ARHGEF4: variants seen among roughly 807,000 people sequenced by gnomAD.
ARHGEF4 encodes the protein Rho guanine nucleotide exchange factor 4.
Under a neutral mutation model 162.0 loss-of-function variants are expected in ARHGEF4, and 119 were observed. That is an observed-to-expected ratio of 0.73 (90% CI 0.63 to 0.86). The LOEUF (loss-of-function observed/expected upper bound fraction) is 0.86. Ranked by LOEUF, ARHGEF4 falls within the 40% of genes least tolerant of loss-of-function variation. The pLI is 0.00. For missense variants in ARHGEF4, 2,488 were observed against 2,456.0 expected (o/e 1.01, Z -0.28); for synonymous variants, 1,014 against 979.9 (o/e 1.03, Z -0.65).
At chr2:130,839,787 G>C (rs983172411) in intron 1 of ARHGEF4, among the ~76,000 whole-genome samples, 2 of 152,204 alleles carry the variant, frequency 1.3e-5, no homozygotes, top group African/African-American at 2.4e-5. Flanking sequence ...GTTCCAGACA[G>C]CTGGACCCCC....
At chr2:130,971,655 CAAAAAA>C (rs35136790) in intron 4 of ARHGEF4, among the ~76,000 whole-genome samples, 4 of 101,354 alleles carry the variant, frequency 3.9e-5, no homozygotes, top group Admixed American at 2.4e-4. Flanking sequence ...GAGACTGTCT[CAAAAAA>C]AAAAAAAAAA....
chr2:130,943,674 A>G (rs1160365899), intron 3 of ARHGEF4, among the ~76,000 whole-genome samples: 1 of 152,184 alleles, frequency 6.6e-6, no homozygotes, highest in African/African-American at 2.4e-5. Context: ...GTATTTTCCC[A>G]CTTCGAGTGG....
At chr2:130,966,112 T>A (rs147024858) in intron 4 of ARHGEF4, among the ~76,000 whole-genome samples, 1 of 152,284 alleles carries the variant, frequency 6.6e-6, no homozygotes, top group African/African-American at 2.4e-5. Context: ...GGAGTGCTGG[T>A]CAGTAACCAG....
intron 4 of ARHGEF4, among the ~76,000 whole-genome samples, chr2:131,010,507 G>A (rs72863203): frequency 0.058 from 8,767 of 152,140 alleles, 413 homozygotes; most frequent in East Asian, 0.2. Flanking sequence ...GATTGAGAGG[G>A]ATATTTTTTT....
At chr2:130,960,406 G>A (rs918292780) in intron 4 of ARHGEF4, among the ~76,000 whole-genome samples, 1 of 152,158 alleles carries the variant, frequency 6.6e-6, no homozygotes, top group Non-Finnish European at 1.5e-5. Context: ...ATTCAGTACA[G>A]TAACATGCTG....
Position 131,046,049 on chromosome 2 carries a change from C to T in ARHGEF4, c.5491C>T (p.Pro1831Ser). The change falls in exon 14 of 14, where the codon CCC (proline) becomes TCC (serine). Residue 1831 changes from proline to serine, a missense_variant. Around this residue, in one of 6 missense-constraint regions of ARHGEF4, gnomAD observed 415 missense variants for 512.4 expected, o/e 0.81. Transcript: ENST00000409359. ...VTGKPKAVGR[P>S]CYLTRQKHPA... ...CTCTCCCTGTTCAGCTGTTGGCCGGCCCTGCTACCTGACGCGCCAGAAGCA... is the reference window on the plus strand; with the variant it reads ...CTCTCCCTGTTCAGCTGTTGGCCGGTCCTGCTACCTGACGCGCCAGAAGCA... 2 of 1,611,346 alleles carry T rather than the reference C, an allele frequency of 1.2e-6. No homozygotes were observed. The highest frequency in any genetic ancestry group is 1.7e-6 in the Non-Finnish European group (2 of 1,178,848).
chr2:131,035,981 A>C, intron 5 of ARHGEF4: 1 of 503,654 alleles, frequency 2.0e-6, no homozygotes, highest in Non-Finnish European at 2.6e-6. Context: ...TTTGAGTCTC[A>C]AATGTGCACC....
At chr2:131,032,518 G>T (rs1457940662) in intron 5 of ARHGEF4, among the ~76,000 whole-genome samples, 1 of 152,024 alleles carries the variant, frequency 6.6e-6, no homozygotes, top group Non-Finnish European at 1.5e-5. Context: ...AGGCTGGACA[G>T]CAAGCTGGGC....
In ARHGEF4 at chr2:130,851,166, G is replaced by C. The variant is rs149856964; in HGVS notation, c.39+14174G>C. 3.0e-3 allele frequency among the ~76,000 whole-genome samples: 458 copies of C among 152,396 alleles called. 1 individual carries two copies. The highest frequency in any genetic ancestry group is 0.011 in the African/African-American group (439 of 41,596). The stretch of plus-strand genomic sequence containing the variant: ...CGGAGAAGTGCCTGCACTTTGAGAA[G>C]GGTGGTTGGGATAGGACCTGCCAGA... On this transcript the variant is annotated intron_variant, in intron 1 of 13. Coordinates refer to ENST00000409359, the MANE Select transcript of ARHGEF4 (RefSeq NM_001367493.1).
In ARHGEF4 at chr2:130,915,663, G is replaced by A. The variant is rs769445447; in HGVS notation, c.1717G>A (p.Val573Ile). 2 of 1,550,484 alleles carry A rather than the reference G, an allele frequency of 1.3e-6. No individual in the cohort carries two copies. The highest frequency in any genetic ancestry group is 1.7e-6 in the Non-Finnish European group (2 of 1,146,976). Residue 573 changes from valine to isoleucine, a missense_variant, in exon 2 of 14, where the codon GTT becomes ATT. By Grantham distance (29) the Val-to-Ile change is conservative. This residue lies in a region of ARHGEF4 where 1,642 missense variants were observed against 1,481.5 expected (regional missense o/e 1.11). Coordinates refer to ENST00000409359, the MANE Select transcript of ARHGEF4 (RefSeq NM_001367493.1). The part of the protein sequence containing the change: ...DTSKAAEEAM[V>I]LDPNYREQAL... ...TTCAAAGGCAGCCGAAGAAGCCATG[G>A]TTCTAGACCCCAACTACAGGGAACA...
At chr2:130,976,441 C>T (rs1685720509) in intron 4 of ARHGEF4, among the ~76,000 whole-genome samples, 1 of 151,888 alleles carries the variant, frequency 6.6e-6, no homozygotes, top group African/African-American at 2.4e-5. Flanking sequence ...TGCACCTGCA[C>T]GCAGACGCTG....
intron 1 of ARHGEF4, among the ~76,000 whole-genome samples, chr2:130,881,181 C>T (rs1202015480): frequency 6.6e-6 from 1 of 152,082 alleles, no homozygotes; most frequent in Non-Finnish European, 1.5e-5. Context: ...ACGTGCACCA[C>T]CATGCCTGGC....
intron 1 of ARHGEF4, among the ~76,000 whole-genome samples, chr2:130,908,699 A>T (rs1220532875): frequency 6.6e-6 from 1 of 151,426 alleles, no homozygotes; most frequent in Non-Finnish European, 1.5e-5. Flanking sequence ...ATAAAATTTA[A>T]AAAAAAAAGT....
chr2:130,889,363 C>G (rs1332939650), intron 1 of ARHGEF4, among the ~76,000 whole-genome samples: 1 of 151,892 alleles, frequency 6.6e-6, no homozygotes, highest in Admixed American at 6.6e-5. Context: ...TTATATAGCC[C>G]ATGTGCATAT....
Position 131,006,698 on chromosome 2 carries a change from G to T in ARHGEF4, c.3986-21247G>T, listed in dbSNP as rs984555154. On this transcript the variant is annotated intron_variant, in intron 4 of 13. Transcript: ENST00000409359. ...TGGGGTTCTGTGCCCTATCCCTCTG[G>T]TCTTGCCTGGACTGGGGAGTGGGAC... Among the ~76,000 whole-genome samples, 2 of 152,178 alleles carry T rather than the reference G, an allele frequency of 1.3e-5. 1 individual carries two copies.
intron 1 of ARHGEF4, among the ~76,000 whole-genome samples, chr2:130,906,285 G>A (rs1574202154): frequency 6.6e-6 from 1 of 152,254 alleles, no homozygotes; most frequent in South Asian, 2.1e-4. Flanking sequence ...CCACTGTGGT[G>A]ACACTGATTT....
At chr2:130,992,445 C>A (rs1039001106) in intron 4 of ARHGEF4, among the ~76,000 whole-genome samples, 1 of 152,088 alleles carries the variant, frequency 6.6e-6, no homozygotes, top group East Asian at 1.9e-4. Flanking sequence ...ACGAGCCCAC[C>A]GGGAGGAACA....
chr2:130,915,982 C>T lies in ARHGEF4; in HGVS notation c.2036C>T (p.Thr679Ile), dbSNP rs948778954. 4.5e-6 allele frequency: 7 copies of T among 1,550,422 alleles called. No individual in the cohort carries two copies. Among genetic ancestry groups the T allele is most frequent in the Middle Eastern group, 1.7e-4 (1 of 6,014 alleles). Reference protein sequence around the residue: ...STGETPCESPTRGKTPAGNEC... With the variant: ...STGETPCESPIRGKTPAGNEC... ...GGCGAGACCCCCTGTGAGTCTCCCACTAGGGGGAAAACACCAGCCGGTAAT... is the reference window on the plus strand; with the variant it reads ...GGCGAGACCCCCTGTGAGTCTCCCATTAGGGGGAAAACACCAGCCGGTAAT... The change falls in exon 2 of 14, where the codon ACT becomes ATT. Residue 679 changes from threonine to isoleucine, a missense_variant. Thr to Ile is a moderately conservative substitution (Grantham distance 89). Coordinates refer to ENST00000409359, the MANE Select transcript of ARHGEF4 (RefSeq NM_001367493.1).
chr2:130,904,113 T>G (rs1376201664), intron 1 of ARHGEF4, among the ~76,000 whole-genome samples: 1 of 152,234 alleles, frequency 6.6e-6, no homozygotes, highest in Non-Finnish European at 1.5e-5. Context: ...CCACAGGGGC[T>G]GTGCTTATTT....
Sources: allele counts gnomAD v4.1 joint callset (sites outside exome capture counted in the v4.1 genomes callset), GRCh38; gene constraint gnomAD v4.1.1; regional missense constraint gnomAD v4.1.1; transcripts MANE v1.5; gene names NCBI Gene and HGNC (gene_info 2026-07-23, HGNC 2026-07-21).